DROSHA: variants seen among roughly 807,000 people sequenced by gnomAD.
DROSHA encodes ribonuclease 3.
A neutral mutation model predicts 181.9 loss-of-function variants in DROSHA; 56 were observed. The observed-to-expected ratio is 0.31, with a 90% CI of 0.25 to 0.38. The LOEUF (loss-of-function observed/expected upper bound fraction) is 0.38, where lower values mean the gene tolerates loss of function less well. Among genes scored for constraint, DROSHA ranks in the 10% least tolerant of loss-of-function variants. The probability of loss-of-function intolerance (pLI) is 1.00; values close to 1 mark genes in which losing one functional copy is unlikely to be tolerated. For missense variants in DROSHA, 1,218 were observed against 1,743.5 expected (o/e 0.70, Z 5.37); for synonymous variants, 524 against 591.2 (o/e 0.89, Z 1.65).
intron 17 of DROSHA, among the ~76,000 whole-genome samples, chr5:31,471,299 C>A (rs756469576): frequency 6.6e-6 from 1 of 152,078 alleles, no homozygotes; most frequent in South Asian, 2.1e-4. Context: ...TTTATTTTCA[C>A]GGAAATATTT....
chr5:31,498,431 GAACT>G (rs138580365), intron 11 of DROSHA, among the ~76,000 whole-genome samples: 101 of 152,234 alleles, frequency 6.6e-4, no homozygotes, highest in African/African-American at 2.4e-3. Flanking sequence ...ATTAATCTGA[GAACT>G]AACAGCAGTG....
Position 31,507,057 on chromosome 5 carries a change from G to A in DROSHA, c.1587+1564C>T, listed in dbSNP as rs376906834. ...GGGCCAGGCGCAGTGGCTCATGCCC[G>A]TAATCCCAACACTTTGGGAGGCTGA... On this transcript the variant is annotated intron_variant, in intron 10 of 35. Coordinates refer to ENST00000344624, the MANE Select transcript of DROSHA (RefSeq NM_001382508.1). Among the ~76,000 whole-genome samples, 96 of 152,250 alleles carry A rather than the reference G, an allele frequency of 6.3e-4. 1 individual carries two copies. In the South Asian group the frequency reaches 0.017, roughly 27 times the overall value.
intron 10 of DROSHA, among the ~76,000 whole-genome samples, chr5:31,506,117 T>C (rs924131200): frequency 1.3e-5 from 2 of 152,152 alleles, no homozygotes; most frequent in African/African-American, 2.4e-5. Flanking sequence ...TCCCAGCACT[T>C]TGGGATGCTG....
At chr5:31,507,864 A>T (rs1272934448) in intron 10 of DROSHA, among the ~76,000 whole-genome samples, 1 of 152,260 alleles carries the variant, frequency 6.6e-6, no homozygotes, top group South Asian at 2.1e-4. Flanking sequence ...AATTCCAAAG[A>T]GTAAAAGGAA....
intron 11 of DROSHA, among the ~76,000 whole-genome samples, chr5:31,501,752 A>G (rs1753597593): frequency 1.3e-5 from 2 of 152,202 alleles, no homozygotes; most frequent in Non-Finnish European, 2.9e-5. Flanking sequence ...TTCTATCCCA[A>G]TCAGAAATGA....
intron 21 of DROSHA, 28 bp from the exon 22 acceptor site, chr5:31,449,447 CT>C (rs779575274): frequency 3.9e-6 from 6 of 1,546,552 alleles, no homozygotes; most frequent in Admixed American, 3.9e-5. Flanking sequence ...TAAGTTCAGT[CT>C]TTAAAACAGC....
chr5:31,402,960 T>G (rs1483530879), intron 35 of DROSHA, among the ~76,000 whole-genome samples: 2 of 152,202 alleles, frequency 1.3e-5, no homozygotes, highest in Non-Finnish European at 1.5e-5. Context: ...TTTTTGTATT[T>G]TTAGTCGAGA....
intron 16 of DROSHA, among the ~76,000 whole-genome samples, chr5:31,476,157 G>A (rs1218395729): frequency 1.3e-5 from 2 of 152,176 alleles, no homozygotes; most frequent in Non-Finnish European, 2.9e-5. Flanking sequence ...CTGAGGTCAG[G>A]AGTTCGAGAC....
At chr5:31,473,756 C>A (rs944402102) in intron 16 of DROSHA, among the ~76,000 whole-genome samples, 1 of 152,170 alleles carries the variant, frequency 6.6e-6, no homozygotes, top group African/African-American at 2.4e-5. Flanking sequence ...GGCTACCATG[C>A]AGCAGTCTGG....
At chr5:31,502,640 C>T (rs1345174394) in intron 11 of DROSHA, among the ~76,000 whole-genome samples, 3 of 152,228 alleles carry the variant, frequency 2.0e-5, no homozygotes, top group Non-Finnish European at 4.4e-5. Flanking sequence ...GCAGATGGCC[C>T]GGATCCCCAC....
Position 31,526,699 on chromosome 5 carries a change from A to G in DROSHA, c.234T>C (p.Phe78=), listed in dbSNP as rs1451508849. Reference sequence around the variant, plus strand: ...GAGGCATGGGTGGGGGGAAGGGTACAAAGTCTGGTCGTGGAGGGAGAAAAT... The same window carrying G: ...GAGGCATGGGTGGGGGGAAGGGTACGAAGTCTGGTCGTGGAGGGAGAAAAT... The part of the protein sequence containing the change: ...APNFLPPRPD[F]VPFPPPMPPS... Residue 78 remains phenylalanine (F), a synonymous_variant, in exon 5 of 36, where the codon TTT becomes TTC. Transcript: ENST00000344624. 2 of 1,540,492 alleles carry G rather than the reference A, an allele frequency of 1.3e-6. No homozygotes were observed. Among genetic ancestry groups the G allele is most frequent in the Non-Finnish European group, 1.7e-6 (2 of 1,147,622 alleles).
At chr5:31,448,138 A>G (rs572466842) in intron 23 of DROSHA, among the ~76,000 whole-genome samples, 69 of 152,358 alleles carry the variant, frequency 4.5e-4, no homozygotes, top group African/African-American at 1.6e-3. Context: ...ATAAAATATG[A>G]TATGCCCATA....
At position 31,443,849 on chromosome 5, in the gene DROSHA, T is replaced by C. The variant is rs1429976884; in HGVS notation, c.2882+4698A>G. Reference sequence around the variant, plus strand: ...TAAATAGCCTGGGATAAAAGTAGTGTGACGAATGGCATTCCTTCCTTTAAT... The same window carrying C: ...TAAATAGCCTGGGATAAAAGTAGTGCGACGAATGGCATTCCTTCCTTTAAT... On this transcript the variant is annotated intron_variant, in intron 23 of 35. Coordinates refer to ENST00000344624, the MANE Select transcript of DROSHA (RefSeq NM_001382508.1). 2.0e-5 allele frequency among the ~76,000 whole-genome samples: 3 copies of C among 152,164 alleles called. No homozygotes were observed. The East Asian group carries it at 5.8e-4, about 29-fold the overall frequency.
intron 8 of DROSHA, 110 bp from the exon 9 acceptor site, chr5:31,511,286 T>G (rs966698102): frequency 3.7e-5 from 40 of 1,074,210 alleles, no homozygotes; most frequent in Non-Finnish European, 5.0e-5. Flanking sequence ...GATGCTATTT[T>G]TCAACCCTAA....
At chr5:31,504,504 T>C (rs1737674916) in intron 11 of DROSHA, 51 bp downstream of exon 11, 3 of 1,583,176 alleles carry the variant, frequency 1.9e-6, no homozygotes, top group Admixed American at 1.7e-5. Context: ...ACAACATCTG[T>C]CTACTTCTGG....
rs1380561359 is a variant in DROSHA at position 31,401,460 on chromosome 5, G to C, written c.4097C>G (p.Pro1366Arg). The C allele has an allele frequency of 3.1e-6, 5 of 1,612,732 alleles. No individual in the cohort carries two copies. The highest frequency in any genetic ancestry group is 4.2e-6 in the Non-Finnish European group (5 of 1,179,294). ...RWEREHQERE[P>R]DETEDIKK ...TTTCTTGATGTCTTCAGTCTCATCT[G>C]GCTCTCTCTCTTGATGCTCTCTTTC... The change falls in exon 36 of 36, where the codon CCA becomes CGA. Residue 1366 changes from proline to arginine, a missense_variant. Coordinates refer to ENST00000344624, the MANE Select transcript of DROSHA (RefSeq NM_001382508.1).
chr5:31,409,541 C>A lies in DROSHA; in HGVS notation c.3668-209G>T, dbSNP rs745893469. On this transcript the variant is annotated intron_variant, in intron 31 of 35. Coordinates refer to ENST00000344624, the MANE Select transcript of DROSHA (RefSeq NM_001382508.1). The surrounding 1 kb of genome is among the most constrained non-coding windows in gnomAD (Gnocchi z 4.0). ...TGTGTAAGATGCAAATCATAGAGTA[C>A]AAACACCAAACTGCATTTAGCTAAG... The A allele has an allele frequency of 4.9e-5, 27 of 546,860 alleles. No homozygotes were observed. Among genetic ancestry groups the A allele is most frequent in the Non-Finnish European group, 6.6e-5 (20 of 303,106 alleles). The allele number at this position is 546,860 out of a possible 1,614,324, so 33.9% of individuals were successfully genotyped here.
chr5:31,485,455 C>T (rs189150089), intron 14 of DROSHA, among the ~76,000 whole-genome samples: 1 of 151,812 alleles, frequency 6.6e-6, no homozygotes, highest in East Asian at 1.9e-4. Context: ...AACTCTGCAC[C>T]AAAATTTCTC....
intron 5 of DROSHA, among the ~76,000 whole-genome samples, chr5:31,525,534 T>C (rs1313260054): frequency 6.6e-6 from 1 of 150,930 alleles, no homozygotes; most frequent in Non-Finnish European, 1.5e-5. Flanking sequence ...AAAAAGATAT[T>C]TTGAAAACTA....
Sources: gnomAD v4.1 joint callset for allele counts (sites outside exome capture counted in the v4.1 genomes callset) on GRCh38, gnomAD v4.1.1 for gene constraint, Gnocchi (gnomAD v3.1) non-coding constraint, MANE v1.5 for transcripts, NCBI Gene and HGNC (gene_info 2026-07-23, HGNC 2026-07-21) for gene names.